Variants in GLYATL2 observed in about 807,000 individuals in gnomAD.
GLYATL2 encodes the protein glycine-N-acyltransferase like 2, also known as glycine N-acyltransferase-like protein 2.
A neutral mutation model predicts 21.4 loss-of-function variants in GLYATL2; 25 were observed. The ratio of observed to expected loss-of-function variants is 1.17; its 90% CI spans 0.85 to 1.63. The LOEUF is 1.63. Ranked by LOEUF, GLYATL2 falls within the 40% of genes most tolerant of loss-of-function variation. GLYATL2 has a pLI of 0.00. For missense variants in GLYATL2, 361 were observed against 343.3 expected, an observed-to-expected ratio of 1.05 and a Z score of -0.41; for synonymous variants, 114 against 118.2, an observed-to-expected ratio of 0.96 and a Z score of 0.23.
intron 5 of GLYATL2, among the ~76,000 whole-genome samples, chr11:58,835,370 G>C (rs570731356): frequency 1.1e-3 from 172 of 152,310 alleles, no homozygotes; most frequent in African/African-American, 3.7e-3. Flanking sequence ...CGCAGTTTAA[G>C]AAGCTGCAAT....
At chr11:58,889,867 T>C (rs1009813700) in intron 1 of GLYATL2, among the ~76,000 whole-genome samples, 2 of 152,186 alleles carry the variant, frequency 1.3e-5, no homozygotes, top group Non-Finnish European at 2.9e-5. Context: ...TACCAAAGTC[T>C]AGTATTAAAA....
Position 58,877,415 on chromosome 11 carries a change from C to T in GLYATL2, n.60+26741G>A, listed in dbSNP as rs116055794. ...CTGTTCCTTTTCAGCCATCTTGGCT[C>T]CACTCCCTCTGGTAGAATGATTTTA... On this transcript the variant is annotated intron_variant and non_coding_transcript_variant, in intron 1 of 4. Coordinates refer to the GLYATL2 transcript ENST00000533636. Among the ~76,000 whole-genome samples, 531 of 152,286 alleles carry T rather than the reference C, an allele frequency of 3.5e-3. 3 individuals are homozygous for T. The highest frequency in any genetic ancestry group is 0.012 in the African/African-American group (511 of 41,550).
chr11:58,895,795 C>A (rs999397912), intron 1 of GLYATL2, among the ~76,000 whole-genome samples: 20 of 151,834 alleles, frequency 1.3e-4, no homozygotes, highest in Admixed American at 1.2e-3. Context: ...AAGTAAATGC[C>A]GGCACCTATG....
chr11:58,838,637 T>A (rs1853486929), intron 2 of GLYATL2, among the ~76,000 whole-genome samples: 1 of 152,184 alleles, frequency 6.6e-6, no homozygotes, highest in Non-Finnish European at 1.5e-5. Flanking sequence ...AAAAAATTCA[T>A]GCCATTTTCT....
At chr11:58,843,801 G>T (rs1407758871) in intron 1 of GLYATL2, among the ~76,000 whole-genome samples, 1 of 152,184 alleles carries the variant, frequency 6.6e-6, no homozygotes, top group Non-Finnish European at 1.5e-5. Context: ...GCACTCAGAG[G>T]TAGATCAGTT....
chr11:58,865,702 T>A (rs1854011713), intron 1 of GLYATL2, among the ~76,000 whole-genome samples: 2 of 130,390 alleles, frequency 1.5e-5, no homozygotes, highest in Non-Finnish European at 3.4e-5. Context: ...GGTGCTCAGA[T>A]GCACTTTTTG....
chr11:58,852,075 T>C (rs1427683041), intron 1 of GLYATL2, among the ~76,000 whole-genome samples: 3 of 152,218 alleles, frequency 2.0e-5, no homozygotes, highest in Admixed American at 1.3e-4. Context: ...AATTGGTAGA[T>C]GATAATTTGC....
Position 58,873,999 on chromosome 11 carries a change from C to T in GLYATL2, n.60+30157G>A, listed in dbSNP as rs182567318. Reference sequence around the variant, plus strand: ...GGTCTATTGAGAGATTCAACTTCTTCCCGGTTTAGTCTTGGGAGAGTGTAT... The same window carrying T: ...GGTCTATTGAGAGATTCAACTTCTTTCCGGTTTAGTCTTGGGAGAGTGTAT... On this transcript the variant is annotated intron_variant and non_coding_transcript_variant, in intron 1 of 4. Transcript: ENST00000533636. Among the ~76,000 whole-genome samples the T allele has an allele frequency of 1.6e-3, 242 of 152,252 alleles. 1 individual carries two copies. Among genetic ancestry groups the T allele is most frequent in the African/African-American group, 5.6e-3 (232 of 41,546 alleles).
At chr11:58,884,460 C>G (rs1854400193) in intron 1 of GLYATL2, among the ~76,000 whole-genome samples, 1 of 152,150 alleles carries the variant, frequency 6.6e-6, no homozygotes, top group Admixed American at 6.5e-5. Flanking sequence ...CTCCCATTCA[C>G]AATTGCTTCA....
chr11:58,852,560 G>A (rs968196514), intron 1 of GLYATL2, among the ~76,000 whole-genome samples: 2 of 152,154 alleles, frequency 1.3e-5, no homozygotes, highest in Non-Finnish European at 2.9e-5. Context: ...TATGGAGCAG[G>A]AAATTGAGAT....
intron 1 of GLYATL2, among the ~76,000 whole-genome samples, chr11:58,867,234 G>GTA (rs1854038257): frequency 6.7e-6 from 1 of 149,030 alleles, no homozygotes; most frequent in Non-Finnish European, 1.5e-5. Flanking sequence ...TTTAAAATGT[G>GTA]TATATTTTAT....
At chr11:58,897,786 CT>C (rs1489923779) in intron 1 of GLYATL2, among the ~76,000 whole-genome samples, 2 of 152,148 alleles carry the variant, frequency 1.3e-5, no homozygotes, top group African/African-American at 4.8e-5. Flanking sequence ...CAGCACTCTT[CT>C]TATTACAGTT....
At chr11:58,890,990 A>G (rs532578229) in intron 1 of GLYATL2, among the ~76,000 whole-genome samples, 13 of 151,818 alleles carry the variant, frequency 8.6e-5, no homozygotes, top group African/African-American at 3.1e-4. Flanking sequence ...TTACTAGTTT[A>G]CTTTGATATT....
At chr11:58,873,563 G>T (rs948784597) in intron 1 of GLYATL2, among the ~76,000 whole-genome samples, 2 of 152,104 alleles carry the variant, frequency 1.3e-5, no homozygotes, top group African/African-American at 4.8e-5. Context: ...TTTGTCTTTG[G>T]TTCTGTTTAT....
At chr11:58,848,884 A>G (rs1445345883), upstream of GLYATL2, among the ~76,000 whole-genome samples, 1 of 152,168 alleles carries the variant, frequency 6.6e-6, no homozygotes, top group African/African-American at 2.4e-5. Flanking sequence ...ATTTAACCCA[A>G]AGACTATCTC....
At chr11:58,854,530 C>T (rs563687) in intron 1 of GLYATL2, among the ~76,000 whole-genome samples, 135,107 of 152,276 alleles carry the variant, frequency 0.89, 61,096 homozygotes, top group Non-Finnish European at 0.98. Context: ...CAAAGAGTTG[C>T]AATCTTTTTT....
intron 1 of GLYATL2, chr11:58,893,602 A>G (rs1324344347): frequency 6.6e-6 from 1 of 152,442 alleles, no homozygotes; most frequent in Non-Finnish European, 1.5e-5. Flanking sequence ...ACTTGATGTT[A>G]AAAAACACAG....
chr11:58,857,468 T>C (rs1293866806), intron 1 of GLYATL2, among the ~76,000 whole-genome samples: 43 of 152,098 alleles, frequency 2.8e-4, no homozygotes, highest in Non-Finnish European at 1.2e-4. Context: ...AAGCCTTTTC[T>C]CATCCTTCTC....
At chr11:58,894,388 C>T (rs985723990) in intron 1 of GLYATL2, among the ~76,000 whole-genome samples, 2 of 150,370 alleles carry the variant, frequency 1.3e-5, no homozygotes, top group African/African-American at 2.4e-5. Flanking sequence ...AAAAGAATTA[C>T]ACTTCACGAA....
Sources: gnomAD v4.1 joint callset for allele counts (sites outside exome capture counted in the v4.1 genomes callset) on GRCh38, gnomAD v4.1.1 for gene constraint, MANE v1.5 for transcripts, NCBI Gene and HGNC (gene_info 2026-07-23, HGNC 2026-07-21) for gene names.